The following PLEK variants were observed in gnomAD, a reference collection of about 807,000 sequenced individuals.
PLEK encodes platelet 47 kDa protein.
A neutral mutation model predicts 43.9 loss-of-function variants in PLEK; 25 were observed. That is an observed-to-expected ratio of 0.57 (90% CI 0.41 to 0.79). PLEK has a LOEUF of 0.79. Among genes scored for constraint, PLEK ranks in the 30% least tolerant of loss-of-function variants. The pLI is 0.00. For missense variants in PLEK, 396 were observed against 413.3 expected (o/e 0.96, Z 0.36); for synonymous variants, 152 against 144.4 (o/e 1.05, Z -0.38).
chr2:68,379,851 C>G (rs929388919), intron 1 of PLEK, among the ~76,000 whole-genome samples: 7 of 152,066 alleles, frequency 4.6e-5, no homozygotes, highest in African/African-American at 1.7e-4. Flanking sequence ...AGGAAAGTAC[C>G]TGATAATGTA....
At chr2:68,394,045 G>C (rs1673910971) in intron 7 of PLEK, 62 bp from the exon 8 acceptor site, 1 of 1,057,816 alleles carries the variant, frequency 9.5e-7, no homozygotes, top group African/African-American at 1.6e-5. Context: ...TTCACCAAGA[G>C]GATGAGGTCT....
At chr2:68,379,644 T>C (rs1024790368) in intron 1 of PLEK, among the ~76,000 whole-genome samples, 5 of 152,044 alleles carry the variant, frequency 3.3e-5, no homozygotes, top group African/African-American at 4.8e-5. Context: ...CTTAATGGTG[T>C]GAACCCGACA....
intron 1 of PLEK, among the ~76,000 whole-genome samples, chr2:68,378,417 A>G (rs1036742253): frequency 3.9e-5 from 6 of 152,216 alleles, no homozygotes; most frequent in Non-Finnish European, 8.8e-5. Flanking sequence ...GATTCTTCAC[A>G]ATCCCAAACC....
rs77777773 is a variant in PLEK, at chr2:68,390,484, G to A, written c.762+1993G>A. 5.9e-3 allele frequency among the ~76,000 whole-genome samples: 896 copies of A among 152,116 alleles called. 9 individuals carry two copies. The highest frequency in any genetic ancestry group is 0.02 in the African/African-American group (831 of 41,498). On this transcript the variant is annotated intron_variant, in intron 6 of 8. Transcript: ENST00000234313. Reference sequence around the variant, plus strand: ...GAAAACAGAAATCTACGTGCATTCAGGAATTTTGTTCTTTTACAATATTCT... The same window carrying A: ...GAAAACAGAAATCTACGTGCATTCAAGAATTTTGTTCTTTTACAATATTCT...
chr2:68,397,345 ATTATCT>A lies in PLEK; in HGVS notation c.*1534_*1539del, dbSNP rs1282460574. On this transcript the variant is annotated 3_prime_UTR_variant, in exon 9 of 9. Coordinates refer to ENST00000234313, the MANE Select transcript of PLEK (RefSeq NM_002664.3). The stretch of plus-strand genomic sequence containing the variant: ...GTCTTTTTCTCTGATTCTTTAATAA[ATTATCT>A]TTATAGAATATGCACAAGTTTTTCT... 11 of 152,328 alleles carry A rather than the reference ATTATCT, an allele frequency of 7.2e-5. No homozygotes were observed. The highest frequency in any genetic ancestry group is 2.6e-4 in the African/African-American group (11 of 41,564). 9.4% of individuals were successfully genotyped at this position (152,328 alleles called of 1,614,324 possible).
Position 68,396,015 on chromosome 2 carries a change from C to T in PLEK, c.*199C>T, listed in dbSNP as rs11891290. On this transcript the variant is annotated 3_prime_UTR_variant, in exon 9 of 9. Transcript: ENST00000234313. ...GTATTGCTCACTGCAGCCCCTCTGC[C>T]CCTATCCATGACCCCCAAGCAGATA... 0.14 allele frequency: 80,758 copies of T among 563,708 alleles called. 7,463 individuals are homozygous for T. The highest frequency in any genetic ancestry group is 0.36 in the African/African-American group (18,908 of 53,158). 34.9% of individuals were successfully genotyped at this position (563,708 alleles called of 1,614,324 possible).
chr2:68,373,245 G>A (rs895883011), intron 1 of PLEK, among the ~76,000 whole-genome samples: 3 of 152,076 alleles, frequency 2.0e-5, no homozygotes, highest in Non-Finnish European at 1.5e-5. Context: ...ACCTAACTCA[G>A]CACTATCAGG....
intron 5 of PLEK, among the ~76,000 whole-genome samples, chr2:68,387,084 C>T (rs1434554395): frequency 2.0e-5 from 3 of 152,174 alleles, no homozygotes. Flanking sequence ...CGGCTCACTG[C>T]AACCTCCGCC....
At chr2:68,391,227 G>A (rs2103784103) in intron 6 of PLEK, among the ~76,000 whole-genome samples, 1 of 146,320 alleles carries the variant, frequency 6.8e-6, no homozygotes, top group Middle Eastern at 3.4e-3. Flanking sequence ...ACGTCACATT[G>A]TGATGTCAGT....
chr2:68,380,354 C>A lies in PLEK; in HGVS notation c.69C>A (p.Pro23=). 1.2e-6 allele frequency: 2 copies of A among 1,613,622 alleles called. No homozygotes were observed. Among genetic ancestry groups the A allele is most frequent in the Non-Finnish European group, 1.7e-6 (2 of 1,179,636 alleles). The change falls in exon 2 of 9, where the codon CCC becomes CCA. Residue 23 remains proline, a synonymous_variant. Transcript: ENST00000234313. The stretch of plus-strand genomic sequence containing the variant: ...GGAGCGTGTTCAATACGTGGAAACC[C>A]ATGTGGGTTGTATTGTTAGAAGATG... ...KKGSVFNTWK[P]MWVVLLEDGI...
In PLEK at chr2:68,374,686, C is replaced by T. The variant is rs73932638; in HGVS notation, c.43-5642C>T. ...CCTTCCTAGTCTATACTCCCATCGTCGGTAACCATTATTGTAATATTTTCT... is the reference window on the plus strand; with the variant it reads ...CCTTCCTAGTCTATACTCCCATCGTTGGTAACCATTATTGTAATATTTTCT... On this transcript the variant is annotated intron_variant, in intron 1 of 8. Coordinates refer to ENST00000234313, the MANE Select transcript of PLEK (RefSeq NM_002664.3). Among the ~76,000 whole-genome samples the T allele has an allele frequency of 4.6e-3, 693 of 152,192 alleles. 6 individuals carry two copies. Among genetic ancestry groups the T allele is most frequent in the African/African-American group, 0.015 (629 of 41,540 alleles).
chr2:68,388,892 A>G (rs1673804197), intron 6 of PLEK, among the ~76,000 whole-genome samples: 1 of 152,214 alleles, frequency 6.6e-6, no homozygotes, highest in African/African-American at 2.4e-5. Flanking sequence ...GGCTACACCC[A>G]GAAGAGGAAC....
intron 7 of PLEK, 105 bp downstream of exon 7, chr2:68,393,350 C>G: frequency 2.6e-6 from 2 of 759,418 alleles, no homozygotes; most frequent in Non-Finnish European, 2.3e-6. Flanking sequence ...CCCTTTTTCT[C>G]TTTACTGGCC....
In PLEK at chr2:68,365,410, C is replaced by G; in HGVS notation, c.42+17C>G. On this transcript the variant is annotated intron_variant, in intron 1 of 8. Transcript: ENST00000234313. Reference sequence around the variant, plus strand: ...GTGAAGAAGGTGAGCGAAGGTGCCACTTACCAGGGTGTCAGTGGACATGGG... The same window carrying G: ...GTGAAGAAGGTGAGCGAAGGTGCCAGTTACCAGGGTGTCAGTGGACATGGG... The G allele has an allele frequency of 6.2e-7, 1 of 1,608,818 alleles. No individual in the cohort carries two copies. Among genetic ancestry groups the G allele is most frequent in the Middle Eastern group, 1.7e-4 (1 of 6,046 alleles).
intron 1 of PLEK, among the ~76,000 whole-genome samples, chr2:68,367,317 A>T (rs1184525850): frequency 6.6e-6 from 1 of 151,646 alleles, no homozygotes; most frequent in Non-Finnish European, 1.5e-5. Flanking sequence ...CAGGCTTGTT[A>T]TATAGGTAAA....
chr2:68,379,689 A>G (rs1375260639), intron 1 of PLEK, among the ~76,000 whole-genome samples: 1 of 152,072 alleles, frequency 6.6e-6, no homozygotes, highest in Non-Finnish European at 1.5e-5. Context: ...CATAGCAGGA[A>G]AGGGTTTGGG....
chr2:68,376,526 C>T (rs1306901584), intron 1 of PLEK, among the ~76,000 whole-genome samples: 1 of 152,118 alleles, frequency 6.6e-6, no homozygotes, highest in Admixed American at 6.6e-5. Flanking sequence ...TATTGTCACA[C>T]TTATTGTGTC....
chr2:68,370,427 T>C (rs562269911), intron 1 of PLEK, among the ~76,000 whole-genome samples: 27 of 151,962 alleles, frequency 1.8e-4, no homozygotes, highest in Non-Finnish European at 7.3e-5. Context: ...CCATGTGAGA[T>C]TGTGAACTAT....
intron 6 of PLEK, among the ~76,000 whole-genome samples, chr2:68,392,239 T>C (rs1673876063): frequency 6.9e-6 from 1 of 145,538 alleles, no homozygotes; most frequent in Non-Finnish European, 1.5e-5. Flanking sequence ...TCATCATGTC[T>C]GTTACAGCAA....
Sources: allele counts gnomAD v4.1 joint callset (sites outside exome capture counted in the v4.1 genomes callset), GRCh38; gene constraint gnomAD v4.1.1; transcripts MANE v1.5; gene names NCBI Gene and HGNC (gene_info 2026-07-23, HGNC 2026-07-21).